RBMS3: variants seen among roughly 807,000 people sequenced by gnomAD.
The protein encoded by RBMS3 is RNA-binding motif, single-stranded-interacting protein 3.
In RBMS3, 27 loss-of-function variants were observed where a neutral mutation model predicts 66.8. The observed-to-expected ratio is 0.40, with a 90% CI of 0.30 to 0.56. The LOEUF (loss-of-function observed/expected upper bound fraction) is 0.56, where lower values mean the gene tolerates loss of function less well. Among genes scored for constraint, RBMS3 ranks in the 20% least tolerant of loss-of-function variants. The probability of loss-of-function intolerance (pLI) is 0.40; values close to 1 mark genes in which losing one functional copy is unlikely to be tolerated. For missense variants in RBMS3, 513 were observed against 549.5 expected, an observed-to-expected ratio of 0.93 and a Z score of 0.66; for synonymous variants, 188 against 183.0, an observed-to-expected ratio of 1.03 and a Z score of -0.22.
chr3:29,669,887 G>A (rs896437837), intron 4 of RBMS3, among the ~76,000 whole-genome samples: 4 of 152,214 alleles, frequency 2.6e-5, no homozygotes, highest in Admixed American at 2.6e-4. Context: ...CGCTTTCATA[G>A]AATCATGCCT....
intron 3 of RBMS3, among the ~76,000 whole-genome samples, chr3:29,531,053 G>A (rs564569422): frequency 2.6e-5 from 4 of 152,282 alleles, no homozygotes; most frequent in Admixed American, 2.6e-4. Context: ...TTTGTTAAAT[G>A]TGAGAGTTTA....
At chr3:29,873,698 A>C (rs2059544898) in intron 7 of RBMS3, among the ~76,000 whole-genome samples, 1 of 152,144 alleles carries the variant, frequency 6.6e-6, no homozygotes, top group Non-Finnish European at 1.5e-5. Flanking sequence ...GCTTTTGCCC[A>C]TTCAGTATGA....
chr3:29,714,209 T>A (rs2149311067), intron 4 of RBMS3, among the ~76,000 whole-genome samples: 1 of 140,750 alleles, frequency 7.1e-6, no homozygotes. Flanking sequence ...GGTGTACATA[T>A]GAAGGAATGG....
At chr3:29,311,360 G>A (rs114713257) in intron 1 of RBMS3, among the ~76,000 whole-genome samples, 6,042 of 151,764 alleles carry the variant, frequency 0.04, 145 homozygotes, top group South Asian at 0.071. Flanking sequence ...ACTGCTTCAC[G>A]CTCTATAGCC....
intron 13 of RBMS3, among the ~76,000 whole-genome samples, chr3:29,989,636 A>G (rs7613152): frequency 0.14 from 21,751 of 152,252 alleles, 1,806 homozygotes; most frequent in East Asian, 0.2. Flanking sequence ...ACCAAGGTTT[A>G]GGAAATCCAG....
Position 29,801,370 on chromosome 3 carries a change from C to T in RBMS3, c.637+38381C>T, listed in dbSNP as rs777646152. On this transcript the variant is annotated intron_variant, in intron 6 of 14. Coordinates refer to ENST00000383767, the MANE Select transcript of RBMS3 (RefSeq NM_001003793.3). ...GCAACCTCTGCCTCCTGGGCTCAAG[C>T]GATTCTCCTGCCTCAGCCTCCTGAG... 1.8e-3 allele frequency among the ~76,000 whole-genome samples: 275 copies of T among 151,000 alleles called. 1 individual carries two copies. The highest frequency in any genetic ancestry group is 2.5e-3 in the Non-Finnish European group (168 of 67,856).
At chr3:29,722,743 GGTTCGGGTTAT>G in intron 4 of RBMS3, among the ~76,000 whole-genome samples, 1 of 152,002 alleles carries the variant, frequency 6.6e-6, no homozygotes, top group Non-Finnish European at 1.5e-5. Flanking sequence ...TCTATGATTA[GGTTCGGGTTAT>G]GCCTTGCTGA....
chr3:29,855,671 C>A (rs1336554981), intron 6 of RBMS3, among the ~76,000 whole-genome samples: 1 of 152,130 alleles, frequency 6.6e-6, no homozygotes, highest in Non-Finnish European at 1.5e-5. Flanking sequence ...AATTTAGAGA[C>A]TCTTTATGCA....
intron 4 of RBMS3, among the ~76,000 whole-genome samples, chr3:29,667,846 G>A (rs763972563): frequency 3.3e-5 from 5 of 151,944 alleles, no homozygotes; most frequent in Non-Finnish European, 7.4e-5. Context: ...ATCCTGTCAG[G>A]ATGAAAAATC....
chr3:29,872,669 C>A (rs1316154961), intron 7 of RBMS3, among the ~76,000 whole-genome samples: 1 of 152,106 alleles, frequency 6.6e-6, no homozygotes, highest in African/African-American at 2.4e-5. Context: ...TGCCCCTAGG[C>A]CATCAGTGCA....
At chr3:29,679,381 G>C (rs887104745) in intron 4 of RBMS3, among the ~76,000 whole-genome samples, 9 of 152,018 alleles carry the variant, frequency 5.9e-5, no homozygotes, top group Non-Finnish European at 1.2e-4. Context: ...ATTTATTAGA[G>C]TCACTTTTGC....
At chr3:29,302,727 C>A (rs2033763540) in intron 1 of RBMS3, among the ~76,000 whole-genome samples, 4 of 151,954 alleles carry the variant, frequency 2.6e-5, no homozygotes, top group African/African-American at 9.7e-5. Context: ...AAATTTCAAT[C>A]CCAGAGTCCA....
At chr3:29,688,766 A>G (rs1434797029) in intron 4 of RBMS3, among the ~76,000 whole-genome samples, 1 of 151,568 alleles carries the variant, frequency 6.6e-6, no homozygotes, top group Non-Finnish European at 1.5e-5. Context: ...TATTTTTAGT[A>G]TAGACAGGGT....
chr3:29,484,715 T>C (rs142001496), intron 2 of RBMS3, among the ~76,000 whole-genome samples: 263 of 152,308 alleles, frequency 1.7e-3, no homozygotes, highest in African/African-American at 6.0e-3. Flanking sequence ...ATCAGAGAGA[T>C]AGCCCTACAA....
At chr3:29,921,207 C>T (rs374358127) in intron 10 of RBMS3, among the ~76,000 whole-genome samples, 20 of 151,816 alleles carry the variant, frequency 1.3e-4, no homozygotes, top group Admixed American at 1.1e-3. Context: ...GGATTACAGG[C>T]GCCCGCCACC....
chr3:29,811,157 C>A (rs1338752682), intron 6 of RBMS3, among the ~76,000 whole-genome samples: 2 of 152,096 alleles, frequency 1.3e-5, no homozygotes, highest in Non-Finnish European at 2.9e-5. Context: ...AACATGAGGG[C>A]ATTTTTTTCT....
At chr3:29,324,058 T>C (rs139671337) in intron 1 of RBMS3, among the ~76,000 whole-genome samples, 1 of 152,114 alleles carries the variant, frequency 6.6e-6, no homozygotes, top group Non-Finnish European at 1.5e-5. Flanking sequence ...AGATTTTTTT[T>C]ATTTTGTTTT....
intron 1 of RBMS3, among the ~76,000 whole-genome samples, chr3:29,296,534 C>A (rs2033275352): frequency 1.3e-5 from 2 of 151,720 alleles, no homozygotes; most frequent in Admixed American, 1.3e-4. Flanking sequence ...CTTTTTCTAG[C>A]CTGTACTTGA....
intron 6 of RBMS3, among the ~76,000 whole-genome samples, chr3:29,769,292 T>C (rs1360474463): frequency 6.6e-6 from 1 of 151,816 alleles, no homozygotes; most frequent in Non-Finnish European, 1.5e-5. Context: ...GGAAAAGATT[T>C]AGGGCAGCCA....
Sources: allele counts gnomAD v4.1 joint callset (sites outside exome capture counted in the v4.1 genomes callset), GRCh38; gene constraint gnomAD v4.1.1; transcripts MANE v1.5; gene names NCBI Gene and HGNC (gene_info 2026-07-23, HGNC 2026-07-21).